MACROD2: variants seen among roughly 807,000 people sequenced by gnomAD.
MACROD2 encodes mono-ADP ribosylhydrolase 2.
A neutral mutation model predicts 70.4 loss-of-function variants in MACROD2; 36 were observed. That is an observed-to-expected ratio of 0.51 (90% CI 0.39 to 0.68). The LOEUF (loss-of-function observed/expected upper bound fraction) is 0.68, where lower values mean the gene tolerates loss of function less well. MACROD2 is among the 30% of genes least tolerant of loss of function. The probability of loss-of-function intolerance (pLI) is 0.00; values close to 1 mark genes in which losing one functional copy is unlikely to be tolerated. For synonymous variants in MACROD2, 172 were observed against 178.8 expected (o/e 0.96, Z 0.30); for missense variants, 496 against 538.4 (o/e 0.92, Z 0.78).
intron 8 of MACROD2, among the ~76,000 whole-genome samples, chr20:15,757,831 T>C (rs973158531): frequency 7.2e-5 from 11 of 152,196 alleles, no homozygotes; most frequent in Non-Finnish European, 1.0e-4. Context: ...GGCCCCATGC[T>C]CAAGACTTCA....
intron 7 of MACROD2, among the ~76,000 whole-genome samples, chr20:15,450,117 C>T (rs1478419804): frequency 1.3e-5 from 2 of 152,002 alleles, no homozygotes; most frequent in Non-Finnish European, 2.9e-5. Context: ...CACATATATA[C>T]CTGTATGTCT....
intron 8 of MACROD2, among the ~76,000 whole-genome samples, chr20:15,646,444 A>C (rs977571327): frequency 2.0e-5 from 3 of 152,214 alleles, no homozygotes; most frequent in African/African-American, 7.2e-5. Flanking sequence ...TTTAATCCTT[A>C]AAACAATCTT....
At position 15,765,499 on chromosome 20, in the gene MACROD2, A is replaced by G. The variant is rs151261560; in HGVS notation, c.646-97246A>G. Among the ~76,000 whole-genome samples, 270 of 152,332 alleles carry G rather than the reference A, an allele frequency of 1.8e-3. 1 individual carries two copies. The highest frequency in any genetic ancestry group is 6.1e-3 in the African/African-American group (253 of 41,582). On this transcript the variant is annotated intron_variant, in intron 8 of 17. Coordinates refer to ENST00000684519, the MANE Select transcript of MACROD2 (RefSeq NM_001351661.2). ...GAACGGTGTATTGTTCAGGTTTGTAAATGTGTAGAAAATGGCACAAGCAAA... is the reference window on the plus strand; with the variant it reads ...GAACGGTGTATTGTTCAGGTTTGTAGATGTGTAGAAAATGGCACAAGCAAA...
chr20:14,244,508 A>C (rs2081954182), intron 3 of MACROD2, among the ~76,000 whole-genome samples: 1 of 152,192 alleles, frequency 6.6e-6, no homozygotes, highest in African/African-American at 2.4e-5. Flanking sequence ...TCCAGGCTGC[A>C]TGTTATGAAT....
intron 3 of MACROD2, among the ~76,000 whole-genome samples, chr20:14,139,282 G>A (rs557300084): frequency 1.3e-5 from 2 of 152,236 alleles, no homozygotes; most frequent in East Asian, 1.9e-4. Context: ...GAGCCATTCC[G>A]CCCAGCCGCC....
At chr20:14,389,421 C>CAAAAAAAA (rs4052956) in intron 3 of MACROD2, among the ~76,000 whole-genome samples, 3 of 90,032 alleles carry the variant, frequency 3.3e-5, no homozygotes, top group African/African-American at 4.4e-5. Context: ...GACTTGGTCT[C>CAAAAAAAA]AAAAAAAAAA....
At chr20:15,646,525 T>C (rs1265626429) in intron 8 of MACROD2, among the ~76,000 whole-genome samples, 1 of 152,228 alleles carries the variant, frequency 6.6e-6, no homozygotes, top group Non-Finnish European at 1.5e-5. Context: ...ATTCTCTGGT[T>C]AAGGTTACAT....
intron 12 of MACROD2, among the ~76,000 whole-genome samples, chr20:15,942,185 C>T (rs2065759859): frequency 6.6e-6 from 1 of 152,154 alleles, no homozygotes; most frequent in Admixed American, 6.5e-5. Flanking sequence ...TACTTGCTAA[C>T]TGTGCCAGCT....
chr20:15,727,312 T>A (rs1315966460), intron 8 of MACROD2, among the ~76,000 whole-genome samples: 1 of 152,086 alleles, frequency 6.6e-6, no homozygotes, highest in Non-Finnish European at 1.5e-5. Context: ...CTATTTTGGT[T>A]CCAGTACCAT....
At chr20:15,986,851 A>G in intron 14 of MACROD2, 50 bp downstream of exon 14, 4 of 1,420,884 alleles carry the variant, frequency 2.8e-6, no homozygotes, top group Middle Eastern at 4.0e-4. Context: ...GAAACTGTGA[A>G]TCATGACTTC....
intron 7 of MACROD2, among the ~76,000 whole-genome samples, chr20:15,457,075 T>TA (rs1169271655): frequency 3.2e-4 from 29 of 90,782 alleles, no homozygotes; most frequent in African/African-American, 2.5e-4. Context: ...TTTTTTTTTT[T>TA]AAAAAAAAAG....
chr20:15,101,005 G>C (rs2075868151), intron 5 of MACROD2, among the ~76,000 whole-genome samples: 1 of 151,962 alleles, frequency 6.6e-6, no homozygotes, highest in Non-Finnish European at 1.5e-5. Context: ...GTCCATAGCA[G>C]GTTTTTCATT....
intron 5 of MACROD2, among the ~76,000 whole-genome samples, chr20:15,115,998 T>A (rs373316849): frequency 6.6e-6 from 1 of 152,270 alleles, no homozygotes; most frequent in South Asian, 2.1e-4. Context: ...AGAATAAAAT[T>A]AAAAATAAGA....
intron 3 of MACROD2, among the ~76,000 whole-genome samples, chr20:14,378,216 A>G (rs907571413): frequency 6.6e-6 from 1 of 152,162 alleles, no homozygotes. Flanking sequence ...TGGGGACAAT[A>G]ATATGGGACC....
chr20:14,653,368 G>A (rs1051088505), intron 4 of MACROD2, among the ~76,000 whole-genome samples: 17 of 151,872 alleles, frequency 1.1e-4, no homozygotes, highest in Admixed American at 2.6e-4. Context: ...ACAGGCGCCC[G>A]CCACCAAGCC....
At chr20:15,062,974 T>C (rs959083604) in intron 5 of MACROD2, among the ~76,000 whole-genome samples, 8 of 152,194 alleles carry the variant, frequency 5.3e-5, no homozygotes, top group South Asian at 2.1e-4. Context: ...CAGATGGGAT[T>C]TGGGGACAAT....
At chr20:15,246,457 A>G (rs2077106548) in intron 6 of MACROD2, among the ~76,000 whole-genome samples, 1 of 152,224 alleles carries the variant, frequency 6.6e-6, no homozygotes, top group African/African-American at 2.4e-5. Context: ...CTGAAAACTA[A>G]TATTTGAGTT....
intron 5 of MACROD2, among the ~76,000 whole-genome samples, chr20:15,227,823 G>GGTTTTTTTTTTT (rs2076920739): frequency 2.2e-5 from 1 of 46,092 alleles, no homozygotes; most frequent in Non-Finnish European, 3.8e-5. Flanking sequence ...AATTTCACCT[G>GGTTTTTTTTTTT]TTTTTTTTTT....
intron 5 of MACROD2, among the ~76,000 whole-genome samples, chr20:15,079,039 AC>A (rs1357468887): frequency 8.5e-5 from 13 of 152,184 alleles, no homozygotes. Context: ...TTTTTCCTGT[AC>A]ACCATGCACC....
Sources: allele counts gnomAD v4.1 joint callset (sites outside exome capture counted in the v4.1 genomes callset), GRCh38; gene constraint gnomAD v4.1.1; transcripts MANE v1.5; gene names NCBI Gene and HGNC (gene_info 2026-07-23, HGNC 2026-07-21).